Variants in EHMT1 observed in about 807,000 individuals in gnomAD.
The protein encoded by EHMT1 is histone-lysine N-methyltransferase EHMT1.
Under a neutral mutation model 147.2 loss-of-function variants are expected in EHMT1, and 15 were observed. The ratio of observed to expected loss-of-function variants is 0.10; its 90% CI spans 0.07 to 0.16. The LOEUF is 0.16. EHMT1 is among the 10% of genes least tolerant of loss of function. The pLI, the probability that EHMT1 is intolerant of heterozygous loss-of-function variation, is 1.00. For missense variants in EHMT1, 1,587 were observed against 1,772.4 expected (o/e 0.90, Z 1.88); for synonymous variants, 795 against 709.6 (o/e 1.12, Z -1.91).
At chr9:137,795,442 TACAC>T (rs1163102518) in intron 16 of EHMT1, among the ~76,000 whole-genome samples, 15 of 44,840 alleles carry the variant, frequency 3.3e-4, no homozygotes, top group Non-Finnish European at 6.3e-4. Context: ...CACACTCACA[TACAC>T]ACACAGACAC....
At chr9:137,706,882 C>T (rs1016695582) in intron 1 of EHMT1, among the ~76,000 whole-genome samples, 9 of 151,712 alleles carry the variant, frequency 5.9e-5, no homozygotes, top group African/African-American at 7.3e-5. Context: ...AGTGAAGCAG[C>T]GTGATCTCAG....
At chr9:137,807,422 T>C (rs1395350300) in intron 18 of EHMT1, among the ~76,000 whole-genome samples, 2 of 152,088 alleles carry the variant, frequency 1.3e-5, no homozygotes, top group East Asian at 3.9e-4. Context: ...TTTCCTAACA[T>C]GTTTCTACTT....
intron 25 of EHMT1, among the ~76,000 whole-genome samples, chr9:137,832,465 C>G (rs1022848624): frequency 6.7e-6 from 1 of 150,166 alleles, no homozygotes; most frequent in Non-Finnish European, 1.5e-5. Flanking sequence ...CCTCAGGCCC[C>G]GCCTCCCACG....
chr9:137,758,996 G>A (rs1490832527), intron 9 of EHMT1, among the ~76,000 whole-genome samples: 3 of 151,790 alleles, frequency 2.0e-5, no homozygotes, highest in African/African-American at 4.8e-5. Context: ...GCGTAGTGGC[G>A]GGCGCCTATA....
At chr9:137,678,056 G>A (rs1335493822) in intron 1 of EHMT1, among the ~76,000 whole-genome samples, 5 of 151,996 alleles carry the variant, frequency 3.3e-5, no homozygotes, top group African/African-American at 1.2e-4. Flanking sequence ...GCGACAGAGC[G>A]AGACTCCGTC....
intron 1 of EHMT1, among the ~76,000 whole-genome samples, chr9:137,632,446 TG>T (rs759791280): frequency 3.3e-5 from 5 of 152,214 alleles, no homozygotes; most frequent in Non-Finnish European, 7.3e-5. Flanking sequence ...TTTTTGTTTT[TG>T]TTTTTGAGAT....
intron 1 of EHMT1, among the ~76,000 whole-genome samples, chr9:137,708,167 C>T (rs1944416109): frequency 6.6e-6 from 1 of 152,148 alleles, no homozygotes; most frequent in Admixed American, 6.5e-5. Flanking sequence ...AGTTGAATGG[C>T]ATTGTTTTCC....
chr9:137,798,214 G>T (rs755384441), intron 16 of EHMT1, among the ~76,000 whole-genome samples: 17 of 152,286 alleles, frequency 1.1e-4, no homozygotes, highest in Non-Finnish European at 2.5e-4. Context: ...AGCCTAGGCA[G>T]TGTAGCAAGA....
At chr9:137,746,375 A>G (rs1353898835) in intron 6 of EHMT1, 2 of 152,232 alleles carry the variant, frequency 1.3e-5, no homozygotes, top group African/African-American at 2.4e-5. Context: ...TCAGCTTCCA[A>G]AAGTGCTGGG....
chr9:137,799,156 C>T (rs543305995), intron 17 of EHMT1, among the ~76,000 whole-genome samples: 6 of 152,304 alleles, frequency 3.9e-5, no homozygotes, highest in African/African-American at 1.4e-4. Flanking sequence ...AGGGCCAGCT[C>T]GGACCCTCCA....
intron 16 of EHMT1, chr9:137,792,394 C>T (rs943012300): frequency 2.0e-5 from 4 of 201,624 alleles, no homozygotes; most frequent in Non-Finnish European, 4.1e-5. Flanking sequence ...CCTCATCTAA[C>T]ACTGTATTCA....
intron 4 of EHMT1, chr9:137,743,123 G>A (rs1412601807): frequency 6.2e-6 from 3 of 480,008 alleles, no homozygotes; most frequent in Middle Eastern, 5.9e-4. Flanking sequence ...TGTTTGCTCC[G>A]TGTTTTGTTG....
intron 1 of EHMT1, among the ~76,000 whole-genome samples, chr9:137,687,290 G>A (rs571594589): frequency 3.9e-5 from 6 of 152,250 alleles, no homozygotes; most frequent in African/African-American, 1.4e-4. Flanking sequence ...AATTGTTTTG[G>A]CTCTCTTGAC....
At chr9:137,798,291 A>C (rs1283898793) in intron 16 of EHMT1, among the ~76,000 whole-genome samples, 1 of 152,158 alleles carries the variant, frequency 6.6e-6, no homozygotes, top group Non-Finnish European at 1.5e-5. Context: ...AGTCCCAGCT[A>C]CGTGGGAGGC....
intron 1 of EHMT1, among the ~76,000 whole-genome samples, chr9:137,637,349 AT>A (rs1180045907): frequency 6.6e-6 from 1 of 150,968 alleles, no homozygotes; most frequent in African/African-American, 2.4e-5. Flanking sequence ...CTAATTTTGT[AT>A]TTTTAGTAGA....
In EHMT1 at chr9:137,787,978, G is replaced by T; in HGVS notation, c.2383-2870G>T. On this transcript the variant is annotated intron_variant, in intron 15 of 26. Coordinates refer to ENST00000460843, the MANE Select transcript of EHMT1 (RefSeq NM_024757.5). The surrounding 1 kb of genome is among the most constrained non-coding windows in gnomAD (Gnocchi z 4.2). ...TGTCCCCCACTGGACAGCCCCCCAG[G>T]AACTGAGGTGCCCTGCAGTAAGTGG... is the stretch of plus-strand genomic sequence containing the variant. 4 of 1,475,398 alleles carry T rather than the reference G, an allele frequency of 2.7e-6. No homozygotes were observed. Among genetic ancestry groups the T allele is most frequent in the Non-Finnish European group, 3.8e-6 (4 of 1,062,670 alleles). The allele number at this position is 1,475,398 out of a possible 1,614,324, so 91.4% of individuals were successfully genotyped here.
intron 4 of EHMT1, chr9:137,742,911 G>A: frequency 4.0e-6 from 1 of 247,182 alleles, no homozygotes; most frequent in Non-Finnish European, 7.9e-6. Context: ...CCTGTGCTGG[G>A]AAGGGAGGCT....
At position 137,800,956 on chromosome 9, in the gene EHMT1, A is replaced by G; in HGVS notation, c.2684A>G (p.Lys895Arg). 3 of 1,614,110 alleles carry G rather than the reference A, an allele frequency of 1.9e-6. No individual in the cohort carries two copies. In the South Asian group the frequency reaches 3.3e-5, roughly 18 times the overall value. The stretch of plus-strand genomic sequence containing the variant: ...GACCTCGTGAAGCTGCTGCTGTCCA[A>G]GGGCTCTGACATCAACATCCGAGAC... Reference protein sequence around the residue: ...HVDLVKLLLSKGSDINIRDNE... With the variant: ...HVDLVKLLLSRGSDINIRDNE... The change falls in exon 18 of 27, where the codon AAG becomes AGG. Residue 895 changes from lysine (K) to arginine (R), a missense_variant. Lys to Arg is a conservative substitution (Grantham distance 26). Coordinates refer to ENST00000460843, the MANE Select transcript of EHMT1 (RefSeq NM_024757.5).
At chr9:137,724,847 T>G (rs1395346333) in intron 3 of EHMT1, among the ~76,000 whole-genome samples, 20 of 149,800 alleles carry the variant, frequency 1.3e-4, no homozygotes, top group African/African-American at 4.0e-4. Flanking sequence ...GGCATTCGTG[T>G]GGCAGACGTG....
Sources: gnomAD v4.1 joint callset for allele counts (sites outside exome capture counted in the v4.1 genomes callset) on GRCh38, gnomAD v4.1.1 for gene constraint, Gnocchi (gnomAD v3.1) non-coding constraint, MANE v1.5 for transcripts, NCBI Gene and HGNC (gene_info 2026-07-23, HGNC 2026-07-21) for gene names.